The following LRRTM4 variants were observed in gnomAD, a reference collection of about 807,000 sequenced individuals.
LRRTM4 encodes leucine-rich repeat transmembrane neuronal protein 4.
A neutral mutation model predicts 47.6 loss-of-function variants in LRRTM4; 25 were observed. The ratio of observed to expected loss-of-function variants is 0.53; its 90% CI spans 0.38 to 0.73. The LOEUF (loss-of-function observed/expected upper bound fraction) is 0.73, where lower values mean the gene tolerates loss of function less well. Among genes scored for constraint, LRRTM4 ranks in the 30% least tolerant of loss-of-function variants. The pLI, the probability that LRRTM4 is intolerant of heterozygous loss-of-function variation, is 0.00. For synonymous variants in LRRTM4, 311 were observed against 269.5 expected (o/e 1.15, Z -1.51); for missense variants, 638 against 713.4 (o/e 0.89, Z 1.20).
intron 3 of LRRTM4, among the ~76,000 whole-genome samples, chr2:77,345,561 CTTT>C (rs1449091793): frequency 6.6e-6 from 1 of 151,896 alleles, no homozygotes; most frequent in Non-Finnish European, 1.5e-5. Flanking sequence ...GTCTAATCTT[CTTT>C]GTCATTAGGA....
intron 3 of LRRTM4, among the ~76,000 whole-genome samples, chr2:76,969,111 T>A (rs991948738): frequency 6.6e-6 from 1 of 151,866 alleles, no homozygotes; most frequent in Non-Finnish European, 1.5e-5. Flanking sequence ...CTCAGAAACA[T>A]GTTTAAAGCT....
chr2:76,879,494 G>C (rs1271821943), intron 3 of LRRTM4, among the ~76,000 whole-genome samples: 1 of 152,182 alleles, frequency 6.6e-6, no homozygotes, highest in African/African-American at 2.4e-5. Flanking sequence ...GGCCACTGAT[G>C]AGACTTACTG....
chr2:77,494,340 C>T (rs1290189965), intron 3 of LRRTM4, among the ~76,000 whole-genome samples: 1 of 152,018 alleles, frequency 6.6e-6, no homozygotes, highest in Non-Finnish European at 1.5e-5. Flanking sequence ...AATCCACTCC[C>T]TAGCTCTCTG....
At chr2:77,028,171 A>C (rs1007396784) in intron 3 of LRRTM4, among the ~76,000 whole-genome samples, 3 of 152,140 alleles carry the variant, frequency 2.0e-5, no homozygotes, top group African/African-American at 7.2e-5. Flanking sequence ...CAAACACTCA[A>C]ATCTAAAGTC....
intron 3 of LRRTM4, among the ~76,000 whole-genome samples, chr2:77,330,929 G>T (rs1265523524): frequency 5.3e-5 from 8 of 151,734 alleles, no homozygotes; most frequent in African/African-American, 7.3e-5. Context: ...ATGTCAAAAG[G>T]GCACTTTTAT....
At position 77,003,801 on chromosome 2, in the gene LRRTM4, G is replaced by A. The variant is rs116651920; in HGVS notation, c.1552-254885C>T. On this transcript the variant is annotated intron_variant, in intron 3 of 3. Transcript: ENST00000409884. ...CAGGCAGAGGTTGCAACAGATTGGAGGGCTCAGAAGACAGAAACATGTGGA... is the reference window on the plus strand; with the variant it reads ...CAGGCAGAGGTTGCAACAGATTGGAAGGCTCAGAAGACAGAAACATGTGGA... 7.9e-3 allele frequency among the ~76,000 whole-genome samples: 1,207 copies of A among 152,242 alleles called. 18 individuals carry two copies. Among genetic ancestry groups the A allele is most frequent in the African/African-American group, 0.028 (1,160 of 41,544 alleles).
At chr2:77,505,974 CA>C (rs1312664705) in intron 3 of LRRTM4, among the ~76,000 whole-genome samples, 1 of 151,566 alleles carries the variant, frequency 6.6e-6, no homozygotes, top group Admixed American at 6.6e-5. Flanking sequence ...ACAAAAATCT[CA>C]TTTCAAATAG....
At chr2:77,101,150 T>G (rs1014354334) in intron 3 of LRRTM4, among the ~76,000 whole-genome samples, 2 of 152,118 alleles carry the variant, frequency 1.3e-5, no homozygotes, top group African/African-American at 4.8e-5. Context: ...CTATAGACTA[T>G]ATACAAAAAT....
chr2:77,075,914 CAAAAAAAAAAA>C (rs61718845), intron 3 of LRRTM4, among the ~76,000 whole-genome samples: 967 of 36,894 alleles, frequency 0.026, 39 homozygotes, highest in African/African-American at 0.075. Flanking sequence ...GACTCCGTCT[CAAAAAAAAAAA>C]AAAAAAAAAA....
At chr2:76,965,841 C>T (rs1369476233) in intron 3 of LRRTM4, among the ~76,000 whole-genome samples, 1 of 151,342 alleles carries the variant, frequency 6.6e-6, no homozygotes, top group African/African-American at 2.4e-5. Context: ...AAAAACTATG[C>T]AAATGAAAGT....
At chr2:76,769,609 T>A (rs372159397) in intron 3 of LRRTM4, among the ~76,000 whole-genome samples, 70 of 152,282 alleles carry the variant, frequency 4.6e-4, no homozygotes, top group African/African-American at 1.5e-3. Context: ...TTTATCACAT[T>A]GGTCCACCTA....
intron 3 of LRRTM4, among the ~76,000 whole-genome samples, chr2:77,069,622 G>C (rs1680084072): frequency 6.6e-6 from 1 of 152,148 alleles, no homozygotes; most frequent in African/African-American, 2.4e-5. Flanking sequence ...TTGGTAGCTT[G>C]TGTATTTCAA....
intron 3 of LRRTM4, among the ~76,000 whole-genome samples, chr2:77,097,461 G>A (rs751096328): frequency 2.0e-5 from 3 of 151,838 alleles, no homozygotes; most frequent in Non-Finnish European, 4.4e-5. Context: ...GTGCCAATCC[G>A]TAAAATCATG....
chr2:76,775,725 A>C (rs552438591), intron 3 of LRRTM4, among the ~76,000 whole-genome samples: 22 of 151,628 alleles, frequency 1.5e-4, no homozygotes, highest in Non-Finnish European at 2.5e-4. Context: ...CCTATGTTAA[A>C]TCTTGGTGCT....
chr2:76,826,144 C>G (rs1410717284), intron 3 of LRRTM4, among the ~76,000 whole-genome samples: 1 of 151,540 alleles, frequency 6.6e-6, no homozygotes, highest in Non-Finnish European at 1.5e-5. Context: ...CAAAGAGGAC[C>G]ACAGAAATGT....
At chr2:76,799,146 C>T (rs1446777571) in intron 3 of LRRTM4, among the ~76,000 whole-genome samples, 1 of 140,960 alleles carries the variant, frequency 7.1e-6, no homozygotes. Flanking sequence ...GAGACACAAC[C>T]AAAAAAGAGA....
intron 3 of LRRTM4, among the ~76,000 whole-genome samples, chr2:77,073,619 C>T (rs1168134008): frequency 2.6e-5 from 4 of 151,894 alleles, no homozygotes; most frequent in Admixed American, 1.3e-4. Context: ...TTATTGATTT[C>T]TGAATTTTCA....
chr2:76,888,779 A>T (rs28394817), intron 3 of LRRTM4, among the ~76,000 whole-genome samples: 2,236 of 151,732 alleles, frequency 0.015, 55 homozygotes, highest in African/African-American at 0.052. Flanking sequence ...ATAATGCTTA[A>T]TTTTTTGCAT....
chr2:76,827,239 T>C (rs1671214156), intron 3 of LRRTM4, among the ~76,000 whole-genome samples: 1 of 151,812 alleles, frequency 6.6e-6, no homozygotes, highest in South Asian at 2.1e-4. Context: ...TGGTGTATGG[T>C]ACAGCTCTGT....
Sources: gnomAD v4.1 joint callset for allele counts (sites outside exome capture counted in the v4.1 genomes callset) on GRCh38, gnomAD v4.1.1 for gene constraint, MANE v1.5 for transcripts, NCBI Gene and HGNC (gene_info 2026-07-23, HGNC 2026-07-21) for gene names.